ATF6: variants seen among roughly 807,000 people sequenced by gnomAD.
The protein encoded by ATF6 is cyclic AMP-dependent transcription factor ATF-6 alpha.
Under a neutral mutation model 83.6 loss-of-function variants are expected in ATF6, and 53 were observed. The ratio of observed to expected loss-of-function variants is 0.63; its 90% confidence interval spans 0.51 to 0.80. ATF6 has a LOEUF of 0.80. Ranked by LOEUF, ATF6 falls within the 30% of genes least tolerant of loss-of-function variation. The pLI is 0.00. For missense variants in ATF6, 744 were observed against 797.9 expected (o/e 0.93, Z 0.81); for synonymous variants, 288 against 285.8 (o/e 1.01, Z -0.08).
At chr1:161,845,644 A>C (rs1686466584) in intron 9 of ATF6, among the ~76,000 whole-genome samples, 1 of 151,996 alleles carries the variant, frequency 6.6e-6, no homozygotes, top group South Asian at 2.1e-4. Flanking sequence ...ATGTGGTGGC[A>C]CATGCCTATA....
chr1:161,852,521 A>G (rs1180480599), intron 11 of ATF6, among the ~76,000 whole-genome samples: 1 of 152,186 alleles, frequency 6.6e-6, no homozygotes, highest in Non-Finnish European at 1.5e-5. Flanking sequence ...TAGGGGTCCT[A>G]TGACTTGTTA....
chr1:161,861,850 G>A (rs1056201802), intron 13 of ATF6, among the ~76,000 whole-genome samples: 22 of 152,114 alleles, frequency 1.4e-4, no homozygotes, highest in African/African-American at 5.1e-4. Context: ...TGTTTGAAAT[G>A]GCCCCGAGGC....
chr1:161,879,991 G>A (rs1687289910), intron 14 of ATF6, among the ~76,000 whole-genome samples: 1 of 151,972 alleles, frequency 6.6e-6, no homozygotes, highest in South Asian at 2.1e-4. Context: ...TGCTTATCTT[G>A]GGTATCTGCC....
At chr1:161,795,381 A>G (rs1005651787) in intron 6 of ATF6, among the ~76,000 whole-genome samples, 2 of 152,214 alleles carry the variant, frequency 1.3e-5, no homozygotes, top group African/African-American at 4.8e-5. Flanking sequence ...TCTTATTTCA[A>G]ATAATATTTA....
chr1:161,812,638 C>T (rs1030852793), intron 7 of ATF6, among the ~76,000 whole-genome samples: 4 of 151,758 alleles, frequency 2.6e-5, no homozygotes, highest in Non-Finnish European at 5.9e-5. Flanking sequence ...GTGATCCACC[C>T]GCCTCGGCCT....
intron 14 of ATF6, among the ~76,000 whole-genome samples, chr1:161,899,618 A>G (rs1687742083): frequency 2.0e-5 from 3 of 152,260 alleles, no homozygotes; most frequent in Admixed American, 2.0e-4. Context: ...AATATAAAAG[A>G]CAAAACATTC....
In ATF6 at chr1:161,804,137, C is replaced by T. The variant is rs1414424290; in HGVS notation, c.909+1865C>T. ...GATAGTTTACTGAGAATGATGATTT[C>T]CTTTTAATACTCTTTTAAATTATGA... On this transcript the variant is annotated intron_variant, in intron 7 of 15. Transcript: ENST00000367942. Among the ~76,000 whole-genome samples the T allele has an allele frequency of 4.0e-5, 6 of 151,712 alleles. No individual in the cohort carries two copies. In the East Asian group the frequency reaches 1.2e-3, roughly 30 times the overall value.
At chr1:161,781,201 T>G (rs1684628929) in intron 2 of ATF6, among the ~76,000 whole-genome samples, 1 of 152,208 alleles carries the variant, frequency 6.6e-6, no homozygotes, top group African/African-American at 2.4e-5. Context: ...CAGAATATGC[T>G]TATATTTTGG....
At chr1:161,918,875 G>C (rs1025314012) in intron 15 of ATF6, among the ~76,000 whole-genome samples, 1 of 152,098 alleles carries the variant, frequency 6.6e-6, no homozygotes, top group African/African-American at 2.4e-5. Context: ...ATGCTGGATG[G>C]GGATATTTGT....
chr1:161,811,758 ACCATCCAT>A (rs373415832), intron 7 of ATF6, among the ~76,000 whole-genome samples: 1 of 137,338 alleles, frequency 7.3e-6, no homozygotes. Context: ...CCACCATCCA[ACCATCCAT>A]CCATCCATCC....
chr1:161,788,031 A>T (rs1374648749), intron 4 of ATF6, among the ~76,000 whole-genome samples: 1 of 152,200 alleles, frequency 6.6e-6, no homozygotes, highest in Non-Finnish European at 1.5e-5. Flanking sequence ...TGAATATTTT[A>T]AAAAATGTTC....
At chr1:161,843,131 G>A (rs1370844822) in intron 9 of ATF6, among the ~76,000 whole-genome samples, 3 of 152,156 alleles carry the variant, frequency 2.0e-5, no homozygotes, top group South Asian at 2.1e-4. Context: ...CGCATGTTCC[G>A]CACACTCATT....
chr1:161,953,288 T>A (rs879431372), intron 15 of ATF6, among the ~76,000 whole-genome samples: 5 of 152,328 alleles, frequency 3.3e-5, no homozygotes, highest in Non-Finnish European at 7.4e-5. Context: ...TATGGGACTG[T>A]CCTGTGTGTC....
intron 14 of ATF6, among the ~76,000 whole-genome samples, chr1:161,865,790 T>C (rs1686984030): frequency 6.6e-6 from 1 of 152,224 alleles, no homozygotes. Flanking sequence ...ATAATAGTAA[T>C]TAAGATAACA....
chr1:161,898,086 A>G (rs1001135920), intron 14 of ATF6, among the ~76,000 whole-genome samples: 2 of 152,160 alleles, frequency 1.3e-5, no homozygotes, highest in African/African-American at 4.8e-5. Flanking sequence ...TTGATTCGTC[A>G]TCTGGTTCAT....
At chr1:161,781,107 G>A (rs540681027) in intron 2 of ATF6, among the ~76,000 whole-genome samples, 2 of 152,260 alleles carry the variant, frequency 1.3e-5, no homozygotes, top group Admixed American at 1.3e-4. Flanking sequence ...GTACTAACTT[G>A]ATCTCAGACT....
chr1:161,778,494 G>A (rs1051534683), intron 2 of ATF6, among the ~76,000 whole-genome samples, 174 bp downstream of exon 2: 1 of 152,116 alleles, frequency 6.6e-6, no homozygotes, highest in African/African-American at 2.4e-5. Context: ...GTAAATGTAG[G>A]ACAGTAGAAA....
intron 14 of ATF6, among the ~76,000 whole-genome samples, chr1:161,905,999 A>AT (rs1687871443): frequency 6.6e-6 from 1 of 151,764 alleles, no homozygotes; most frequent in Non-Finnish European, 1.5e-5. Context: ...CGCCTGGCTA[A>AT]TTTTTTTGTA....
chr1:161,784,659 G>T (rs961895279), intron 4 of ATF6, among the ~76,000 whole-genome samples: 28 of 152,256 alleles, frequency 1.8e-4, no homozygotes, highest in Admixed American at 3.3e-4. Flanking sequence ...TGGGGAAAGG[G>T]AAAGTATAAG....
Sources: allele counts gnomAD v4.1 joint callset (sites outside exome capture counted in the v4.1 genomes callset), GRCh38; gene constraint gnomAD v4.1.1; transcripts MANE v1.5; gene names NCBI Gene and HGNC (gene_info 2026-07-23, HGNC 2026-07-21).